The following ERICH3 variants were observed in gnomAD, a reference collection of about 807,000 sequenced individuals.
The protein encoded by ERICH3 is glutamate-rich protein 3.
In ERICH3, 126 loss-of-function variants were observed where a neutral mutation model predicts 131.1. The ratio of observed to expected loss-of-function variants is 0.96; its 90% confidence interval spans 0.83 to 1.11. The LOEUF is 1.11. Among genes scored for constraint, ERICH3 ranks in the 50% most tolerant of loss-of-function variants. The probability of loss-of-function intolerance (pLI) is 0.00; values close to 1 mark genes in which losing one functional copy is unlikely to be tolerated. For missense variants in ERICH3, 2,050 were observed against 1,810.7 expected (o/e 1.13, Z -2.40); for synonymous variants, 695 against 644.6 (o/e 1.08, Z -1.18).
intron 1 of ERICH3, among the ~76,000 whole-genome samples, chr1:74,656,446 T>C (rs972569274): frequency 6.6e-6 from 1 of 152,178 alleles, no homozygotes; most frequent in Admixed American, 6.5e-5. Flanking sequence ...AGTCATCGCA[T>C]GGCGGAAGGT....
chr1:74,643,072 C>T lies in ERICH3; in HGVS notation c.270G>A (p.Lys90=). The change falls in exon 4 of 15, where the codon AAG becomes AAA. Residue 90 remains lysine (K), a synonymous_variant. Transcript: ENST00000326665. ...CCTTCCTAGCTAAGGTCTCCAATTTCTTTTTTATTTCAAGCTGATGGTAAC... is the reference window on the plus strand; with the variant it reads ...CCTTCCTAGCTAAGGTCTCCAATTTTTTTTTTATTTCAAGCTGATGGTAAC... The part of the protein sequence containing the change: ...MERYHQLEIK[K]KLETLARKER... 5.6e-6 allele frequency: 9 copies of T among 1,611,118 alleles called. No individual in the cohort carries two copies. Among genetic ancestry groups the T allele is most frequent in the Non-Finnish European group, 7.6e-6 (9 of 1,178,362 alleles).
chr1:74,603,157 C>T (rs149625339), intron 10 of ERICH3, among the ~76,000 whole-genome samples: 1 of 151,920 alleles, frequency 6.6e-6, no homozygotes, highest in Non-Finnish European at 1.5e-5. Context: ...GTTATTGTGC[C>T]CCCTATCCAA....
rs1217409812 is a variant in ERICH3 at position 74,572,409 on chromosome 1, C to T, written c.3301G>A (p.Glu1101Lys). ...AFKEEQKLKA[E>K]EGETETEVRA... ...ACTTCTGTCTCTGTTTCCCCTTCTT[C>T]CGCTTTAAGTTTTTGCTCTTCTTTA... The change falls in exon 14 of 15, where the codon GAA (glutamate) becomes AAA (lysine). Residue 1101 changes from glutamate to lysine, a missense_variant. Physicochemically the swap from Glu to Lys is moderately conservative, Grantham distance 56 (BLOSUM62 1). Coordinates refer to ENST00000326665, the MANE Select transcript of ERICH3 (RefSeq NM_001002912.5). 1.2e-6 allele frequency: 2 copies of T among 1,613,808 alleles called. No individual in the cohort carries two copies. Among genetic ancestry groups the T allele is most frequent in the Admixed American group, 1.7e-5 (1 of 60,014 alleles).
chr1:74,599,986 C>T (rs2100577918), intron 10 of ERICH3, 55 bp from the exon 11 acceptor site: 1 of 1,270,004 alleles, frequency 7.9e-7, no homozygotes, highest in Non-Finnish European at 1.1e-6. Flanking sequence ...TTATACTTAA[C>T]CTATTTCTCT....
intron 12 of ERICH3, among the ~76,000 whole-genome samples, chr1:74,587,566 C>T (rs948778260): frequency 6.6e-6 from 1 of 152,086 alleles, no homozygotes; most frequent in African/African-American, 2.4e-5. Context: ...CATAGTGCTA[C>T]ATCTCTGATA....
intron 4 of ERICH3, among the ~76,000 whole-genome samples, chr1:74,641,829 A>G (rs564401555): frequency 1.1e-4 from 17 of 152,316 alleles, no homozygotes; most frequent in African/African-American, 4.1e-4. Flanking sequence ...CATGTTTTAA[A>G]AAAATGAGAG....
chr1:74,654,130 T>A (rs539619722), intron 1 of ERICH3, among the ~76,000 whole-genome samples: 2 of 152,268 alleles, frequency 1.3e-5, no homozygotes, highest in South Asian at 4.1e-4. Context: ...TTATTATTGT[T>A]TATGTAGTCT....
intron 8 of ERICH3, among the ~76,000 whole-genome samples, chr1:74,617,118 C>T (rs1273307320): frequency 6.8e-6 from 1 of 147,600 alleles, no homozygotes; most frequent in Non-Finnish European, 1.5e-5. Context: ...ATGATGAAGG[C>T]TAAATTTCAC....
In ERICH3 at chr1:74,568,855, A is replaced by T. The variant is rs188869074; in HGVS notation, c.*1603T>A. ...CAGCAGTTTTTGGACATCAGTGTAC[A>T]TCAGTATTAACTGCAGGGCTTGTTA... On this transcript the variant is annotated 3_prime_UTR_variant, in exon 15 of 15. Coordinates refer to ENST00000326665, the MANE Select transcript of ERICH3 (RefSeq NM_001002912.5). 2.6e-4 allele frequency: 39 copies of T among 152,206 alleles called. No homozygotes were observed. The highest frequency in any genetic ancestry group is 2.4e-3 in the Admixed American group (36 of 15,282). The allele number at this position is 152,206 out of a possible 1,614,324, so 9.4% of individuals were successfully genotyped here.
chr1:74,592,271 A>G lies in ERICH3; in HGVS notation c.1727-2191T>C, dbSNP rs1647644577. On this transcript the variant is annotated intron_variant, in intron 11 of 14. Coordinates refer to ENST00000326665, the MANE Select transcript of ERICH3 (RefSeq NM_001002912.5). ...CTACTCATTCTTTATTCTCCATTTT[A>G]TAAAATCTGGATATGCCATCTCTCT... is the stretch of plus-strand genomic sequence containing the variant. The G allele has an allele frequency of 2.0e-5, 3 of 152,166 alleles. No individual in the cohort carries two copies. In the South Asian group the frequency reaches 6.2e-4, roughly 31 times the overall value. The allele number at this position is 152,166 out of a possible 1,614,324, so 9.4% of individuals were successfully genotyped here.
intron 12 of ERICH3, chr1:74,589,178 G>A (rs1447244384): frequency 2.9e-5 from 5 of 170,576 alleles, no homozygotes; most frequent in Admixed American, 1.2e-4. Flanking sequence ...TTGTGAGGAC[G>A]TGATGAGTTA....
At chr1:74,590,117 TG>T (rs1419303000) in intron 11 of ERICH3, 37 bp from the exon 12 acceptor site, 2 of 1,468,436 alleles carry the variant, frequency 1.4e-6, no homozygotes, top group African/African-American at 2.9e-5. Flanking sequence ...GTTGTTGTTC[TG>T]TAAAGCAATT....
At chr1:74,620,608 G>T in intron 8 of ERICH3, 126 bp downstream of exon 8, 3 of 775,406 alleles carry the variant, frequency 3.9e-6, no homozygotes, top group Non-Finnish European at 5.8e-6. Context: ...TAGGCAGCTG[G>T]TTTATAAGTC....
intron 6 of ERICH3, chr1:74,634,899 C>T (rs1646374624): frequency 2.4e-6 from 1 of 421,650 alleles, no homozygotes; most frequent in Non-Finnish European, 4.2e-6. Flanking sequence ...CACTATCTCC[C>T]CTCATTCTGA....
chr1:74,642,080 T>G (rs939061261), intron 4 of ERICH3, among the ~76,000 whole-genome samples: 2 of 152,084 alleles, frequency 1.3e-5, no homozygotes, highest in East Asian at 1.9e-4. Context: ...TTTCAGCAGA[T>G]AAATTACAGA....
At chr1:74,662,540 A>AC (rs1172163730) in intron 1 of ERICH3, among the ~76,000 whole-genome samples, 17 of 152,186 alleles carry the variant, frequency 1.1e-4, no homozygotes, top group African/African-American at 4.1e-4. Flanking sequence ...ATGACTTAAA[A>AC]TTGAAGGCAA....
chr1:74,612,551 T>G (rs192825406), intron 9 of ERICH3, 72 bp downstream of exon 9: 5 of 1,306,032 alleles, frequency 3.8e-6, no homozygotes, highest in Non-Finnish European at 5.2e-6. Flanking sequence ...TGAAGAGAAA[T>G]GCATTAGTAA....
At chr1:74,648,455 C>T (rs1646503780) in intron 2 of ERICH3, among the ~76,000 whole-genome samples, 1 of 152,092 alleles carries the variant, frequency 6.6e-6, no homozygotes, top group Non-Finnish European at 1.5e-5. Context: ...TCGGTTTCAG[C>T]CAGGTCTGTC....
chr1:74,574,234 C>T (rs1647012478), intron 13 of ERICH3, among the ~76,000 whole-genome samples: 1 of 152,010 alleles, frequency 6.6e-6, no homozygotes, highest in South Asian at 2.1e-4. Context: ...ACTCTTGGAT[C>T]TCAAACTCCC....
Sources: allele counts gnomAD v4.1 joint callset (sites outside exome capture counted in the v4.1 genomes callset), GRCh38; gene constraint gnomAD v4.1.1; transcripts MANE v1.5; gene names NCBI Gene and HGNC (gene_info 2026-07-23, HGNC 2026-07-21).